The following LRRC17 variants were observed in gnomAD, a reference collection of about 807,000 sequenced individuals.
LRRC17 encodes leucine rich repeat containing 17, also known as leucine-rich repeat-containing protein 17.
In LRRC17, 33 loss-of-function variants were observed where a neutral mutation model predicts 41.5. The observed-to-expected ratio is 0.80, with a 90% CI of 0.60 to 1.06. The LOEUF is 1.06. Ranked by LOEUF, LRRC17 falls within the 50% of genes least tolerant of loss-of-function variation. The probability of loss-of-function intolerance (pLI) is 0.00; values close to 1 mark genes in which losing one functional copy is unlikely to be tolerated. For synonymous variants in LRRC17, 192 were observed against 197.0 expected (o/e 0.97, Z 0.21); for missense variants, 491 against 519.3 (o/e 0.95, Z 0.53).
At chr7:102,928,497 G>C (rs578136023) in intron 1 of LRRC17, among the ~76,000 whole-genome samples, 1 of 152,270 alleles carries the variant, frequency 6.6e-6, no homozygotes, top group African/African-American at 2.4e-5. Flanking sequence ...AAAAACAATA[G>C]TAAAATGTAG....
intron 1 of LRRC17, among the ~76,000 whole-genome samples, chr7:102,924,877 C>T (rs1457733395): frequency 6.6e-6 from 1 of 152,102 alleles, no homozygotes; most frequent in East Asian, 1.9e-4. Flanking sequence ...GATCCACCCG[C>T]CCCGGCCTCC....
chr7:102,943,729 G>A lies in LRRC17; in HGVS notation c.929-481G>A, dbSNP rs2129475928. 3.9e-5 allele frequency among the ~76,000 whole-genome samples: 6 copies of A among 152,262 alleles called. 1 individual carries two copies. In the Middle Eastern group the frequency reaches 0.02, roughly 518 times the overall value. ...ATACGTTTTCAGGACAAGCAATAAC[G>A]AATCCTTAAGGAAGAAGATTTGACA... is the stretch of plus-strand genomic sequence containing the variant. On this transcript the variant is annotated intron_variant, in intron 3 of 3. Coordinates refer to ENST00000339431, the MANE Select transcript of LRRC17 (RefSeq NM_001031692.3).
intron 1 of LRRC17, among the ~76,000 whole-genome samples, chr7:102,931,042 G>A (rs1326676817): frequency 1.3e-5 from 2 of 152,178 alleles, no homozygotes; most frequent in Non-Finnish European, 2.9e-5. Context: ...GGAACCTAGA[G>A]GAGCAGCAGT....
Position 102,934,505 on chromosome 7 carries a change from C to CA in LRRC17, c.599dup (p.Asn200LysfsTer2). On this transcript the variant is annotated frameshift_variant, in exon 2 of 4. Transcript: ENST00000339431. LOFTEE classifies it high-confidence loss of function. Reference sequence around the variant, plus strand: ...CGCCAAGTGTGAAAGTCCACAAGAACAAAAAAATAAAAAACTGCGGCAGAT... The same window carrying CA: ...CGCCAAGTGTGAAAGTCCACAAGAACAAAAAAAATAAAAAACTGCGGCAGAT... 3 of 1,612,386 alleles carry CA rather than the reference C, an allele frequency of 1.9e-6. No individual in the cohort carries two copies. The highest frequency in any genetic ancestry group is 3.3e-4 in the Middle Eastern group (2 of 6,058).
At chr7:102,918,652 C>A (rs1394851937) in intron 1 of LRRC17, among the ~76,000 whole-genome samples, 2 of 152,090 alleles carry the variant, frequency 1.3e-5, no homozygotes, top group Non-Finnish European at 2.9e-5. Flanking sequence ...CTTGTCTCTA[C>A]AAAAGATTTT....
At chr7:102,916,150 A>AT (rs1053258921) in intron 1 of LRRC17, among the ~76,000 whole-genome samples, 3 of 151,580 alleles carry the variant, frequency 2.0e-5, no homozygotes, top group African/African-American at 4.8e-5. Flanking sequence ...CGCCTGGCTA[A>AT]TTTTTTTTGT....
chr7:102,940,084 G>C (rs1017357670), intron 3 of LRRC17, among the ~76,000 whole-genome samples: 3 of 151,692 alleles, frequency 2.0e-5, no homozygotes, highest in African/African-American at 7.3e-5. Context: ...AGTAGAGATG[G>C]GGTTTCATCA....
chr7:102,938,694 T>C (rs1427704035), intron 2 of LRRC17, among the ~76,000 whole-genome samples: 1 of 152,232 alleles, frequency 6.6e-6, no homozygotes, highest in Admixed American at 6.5e-5. Context: ...ATATACTCTT[T>C]ATCAAAAGCA....
chr7:102,944,217 T>C lies in LRRC17; in HGVS notation c.936T>C (p.Phe312=). Residue 312 remains phenylalanine (F), a synonymous_variant, in exon 4 of 4, where the codon TTT becomes TTC. Coordinates refer to ENST00000339431, the MANE Select transcript of LRRC17 (RefSeq NM_001031692.3). ...NGIEFIDPAA[F]LGLTHLEELD... ...AATATTTTCTGTTTCCAGCCGCTTT[T>C]TTAGGGCTCACACATTTAGAAGAAT... 6.2e-7 allele frequency: 1 copy of C among 1,602,284 alleles called. No homozygotes were observed. The highest frequency in any genetic ancestry group is 8.5e-7 in the Non-Finnish European group (1 of 1,175,556).
chr7:102,926,950 G>T (rs4255065), intron 1 of LRRC17, among the ~76,000 whole-genome samples: 147,953 of 152,272 alleles, frequency 0.97, 72,036 homozygotes, highest in East Asian at 1. Context: ...AAATAAAATA[G>T]AGGCTACATA....
intron 1 of LRRC17, among the ~76,000 whole-genome samples, chr7:102,924,335 T>C (rs1817654327): frequency 6.6e-6 from 1 of 152,198 alleles, no homozygotes; most frequent in Admixed American, 6.5e-5. Flanking sequence ...ACCCCTGATT[T>C]AGATCATCAC....
chr7:102,919,199 C>T (rs546272190), intron 1 of LRRC17, among the ~76,000 whole-genome samples: 46 of 152,324 alleles, frequency 3.0e-4, no homozygotes, highest in South Asian at 2.1e-3. Context: ...GGAATTGGTG[C>T]TTCTCCTCAC....
chr7:102,934,681 G>A lies in LRRC17; in HGVS notation c.768G>A (p.Arg256=). 1 of 1,582,274 alleles carries A rather than the reference G, an allele frequency of 6.3e-7. No homozygotes were observed. Among genetic ancestry groups the A allele is most frequent in the Non-Finnish European group, 8.5e-7 (1 of 1,170,472 alleles). Reference sequence around the variant, plus strand: ...CCATACAAACACTGGACTGCAAAAGGAAAGGTTTGTACTTTTCTTACTTTT... The same window carrying A: ...CCATACAAACACTGGACTGCAAAAGAAAAGGTTTGTACTTTTCTTACTTTT... The part of the protein sequence containing the change: ...VFPIQTLDCK[R]KELKKVPNNI... Residue 256 remains arginine, a synonymous_variant, in exon 2 of 4, where the codon AGG becomes AGA. Transcript: ENST00000339431.
At chr7:102,917,710 A>T (rs577561066) in intron 1 of LRRC17, among the ~76,000 whole-genome samples, 1 of 152,320 alleles carries the variant, frequency 6.6e-6, no homozygotes, top group East Asian at 1.9e-4. Context: ...CATGTCAAAG[A>T]CATGATAGGA....
intron 1 of LRRC17, among the ~76,000 whole-genome samples, chr7:102,914,292 C>T (rs951307771): frequency 2.0e-5 from 3 of 152,168 alleles, no homozygotes; most frequent in African/African-American, 4.8e-5. Context: ...AGGCTGGCCT[C>T]GAACTCCTGA....
chr7:102,932,064 G>A, intron 1 of LRRC17: 2 of 752,794 alleles, frequency 2.7e-6, no homozygotes, highest in Admixed American at 3.1e-5. Context: ...CATGTTCTAA[G>A]TATATGGTTT....
At chr7:102,915,984 CT>C (rs1167962491) in intron 1 of LRRC17, among the ~76,000 whole-genome samples, 4,524 of 143,628 alleles carry the variant, frequency 0.031, 193 homozygotes, top group African/African-American at 0.1. Context: ...TGAGTTTCTT[CT>C]TTTTTTTTTT....
rs35025022 is a variant in LRRC17 at position 102,929,663 on chromosome 7, CA to C, written c.-140-4090del. ...TGGGCAACAGAGTGAGACTCCATCT[CA>C]AAAAAAAAAAAAAAAAAAAATTAAT... On this transcript the variant is annotated intron_variant, in intron 1 of 3. Transcript: ENST00000339431. Among the ~76,000 whole-genome samples, 890 of 91,460 alleles carry C rather than the reference CA, an allele frequency of 9.7e-3. 3 individuals are homozygous for C. The highest frequency in any genetic ancestry group is 0.034 in the African/African-American group (711 of 21,102). The allele number at this position is 91,460 out of a possible 152,430, so 60.0% of individuals were successfully genotyped here. A position where few individuals can be genotyped will look rare whatever the true frequency, so the allele number is the denominator to read the frequency against.
chr7:102,917,757 T>G (rs541532180), intron 1 of LRRC17, among the ~76,000 whole-genome samples: 2 of 152,224 alleles, frequency 1.3e-5, no homozygotes, highest in Non-Finnish European at 2.9e-5. Context: ...TAGCGTGAGA[T>G]AGAACAGATT....
Sources: gnomAD v4.1 joint callset for allele counts (sites outside exome capture counted in the v4.1 genomes callset) on GRCh38, gnomAD v4.1.1 for gene constraint, MANE v1.5 for transcripts, NCBI Gene and HGNC (gene_info 2026-07-23, HGNC 2026-07-21) for gene names.